Variants in SHC4 observed in about 807,000 individuals in gnomAD.
The protein encoded by SHC4 is SHC-transforming protein 4.
A neutral mutation model predicts 69.4 loss-of-function variants in SHC4; 41 were observed. The ratio of observed to expected loss-of-function variants is 0.59; its 90% CI spans 0.46 to 0.77. The LOEUF is 0.77. Among genes scored for constraint, SHC4 ranks in the 30% least tolerant of loss-of-function variants. SHC4 has a pLI of 0.00. For missense variants in SHC4, 777 were observed against 783.8 expected, an observed-to-expected ratio of 0.99 and a Z score of 0.10; for synonymous variants, 318 against 299.3, an observed-to-expected ratio of 1.06 and a Z score of -0.64.
At chr15:48,835,077 T>C in intron 10 of SHC4, 55 bp from the exon 11 acceptor site, 2 of 1,537,370 alleles carry the variant, frequency 1.3e-6, no homozygotes, top group East Asian at 4.7e-5. Context: ...ATCCATCCAT[T>C]CATTCATTTA....
chr15:48,902,857 T>G (rs918194661), intron 2 of SHC4, among the ~76,000 whole-genome samples: 1 of 152,178 alleles, frequency 6.6e-6, no homozygotes, highest in African/African-American at 2.4e-5. Flanking sequence ...GCCCTCCTAG[T>G]AAACCTTTTG....
At chr15:48,949,831 AAATT>A (rs887967783) in intron 1 of SHC4, among the ~76,000 whole-genome samples, 6 of 146,374 alleles carry the variant, frequency 4.1e-5, no homozygotes, top group South Asian at 2.1e-4. Flanking sequence ...ATATATATAT[AAATT>A]ATGTAATATT....
At chr15:48,893,418 C>T (rs1900168557) in intron 2 of SHC4, among the ~76,000 whole-genome samples, 1 of 152,200 alleles carries the variant, frequency 6.6e-6, no homozygotes, top group African/African-American at 2.4e-5. Flanking sequence ...AAGTACTCAA[C>T]TCTGCCATTG....
chr15:48,866,094 C>T (rs891242125), intron 6 of SHC4, among the ~76,000 whole-genome samples: 2 of 152,112 alleles, frequency 1.3e-5, no homozygotes, highest in Admixed American at 6.5e-5. Context: ...TTTTTTCTTC[C>T]TTTCACCCTG....
At chr15:48,944,766 C>A (rs1418623665) in intron 1 of SHC4, among the ~76,000 whole-genome samples, 2 of 152,066 alleles carry the variant, frequency 1.3e-5, no homozygotes, top group African/African-American at 4.8e-5. Context: ...CCCTTCCTAC[C>A]AAAAAAGATC....
chr15:48,926,773 AT>A (rs1255989300), intron 1 of SHC4, among the ~76,000 whole-genome samples: 1 of 152,026 alleles, frequency 6.6e-6, no homozygotes, highest in Admixed American at 6.6e-5. Context: ...GTATAATAGT[AT>A]TTCTGAGCAG....
At chr15:48,952,033 T>A (rs1370328834) in intron 1 of SHC4, among the ~76,000 whole-genome samples, 1 of 152,110 alleles carries the variant, frequency 6.6e-6, no homozygotes, top group African/African-American at 2.4e-5. Context: ...AGAGCTTAAC[T>A]CACCATGAAA....
At chr15:48,940,727 T>C (rs551796564) in intron 1 of SHC4, among the ~76,000 whole-genome samples, 2 of 152,318 alleles carry the variant, frequency 1.3e-5, no homozygotes, top group East Asian at 3.9e-4. Flanking sequence ...AAGAACCTCA[T>C]TGACGTCATT....
intron 1 of SHC4, among the ~76,000 whole-genome samples, chr15:48,952,685 T>C (rs1433373041): frequency 2.0e-5 from 3 of 152,126 alleles, no homozygotes; most frequent in African/African-American, 4.8e-5. Context: ...AGGCTCAACA[T>C]CACTGATCAT....
rs188471095 is a variant in SHC4, at chr15:48,823,887, G to A, written c.*2084C>T. The A allele has an allele frequency of 3.9e-4, 59 of 152,286 alleles. No homozygotes were observed. Among genetic ancestry groups the A allele is most frequent in the African/African-American group, 1.2e-3 (51 of 41,552 alleles). 9.4% of individuals were successfully genotyped at this position (152,286 alleles called of 1,614,324 possible). On this transcript the variant is annotated 3_prime_UTR_variant, in exon 12 of 12. Coordinates refer to ENST00000332408, the MANE Select transcript of SHC4 (RefSeq NM_203349.4). ...TATTGTTTCCTTTTGCTTTAACTGT[G>A]TCTGTGGTATTTTTAAGTGCTGTAT...
chr15:48,855,756 T>C (rs1313646560), intron 8 of SHC4, among the ~76,000 whole-genome samples, 197 bp downstream of exon 8: 2 of 151,990 alleles, frequency 1.3e-5, no homozygotes, highest in Non-Finnish European at 2.9e-5. Flanking sequence ...TATGAGATCA[T>C]CTGCTGAGGC....
intron 2 of SHC4, among the ~76,000 whole-genome samples, chr15:48,904,726 A>G (rs116497153): frequency 6.7e-6 from 1 of 149,422 alleles, no homozygotes; most frequent in Non-Finnish European, 1.5e-5. Flanking sequence ...CACACACACA[A>G]AAAAATGTAA....
chr15:48,854,187 C>T (rs960398123), intron 8 of SHC4, among the ~76,000 whole-genome samples: 2 of 152,214 alleles, frequency 1.3e-5, no homozygotes, highest in Non-Finnish European at 2.9e-5. Flanking sequence ...CAAAAGAACA[C>T]ATACAAGCAG....
chr15:48,920,460 A>G (rs1900731319), intron 2 of SHC4, among the ~76,000 whole-genome samples: 1 of 151,922 alleles, frequency 6.6e-6, no homozygotes, highest in African/African-American at 2.4e-5. Flanking sequence ...GTAACTTCCT[A>G]TATCTTACTT....
intron 4 of SHC4, among the ~76,000 whole-genome samples, chr15:48,874,991 G>T (rs998889756): frequency 2.8e-4 from 42 of 152,298 alleles, no homozygotes; most frequent in African/African-American, 9.4e-4. Context: ...TAGCCAAAAT[G>T]AGTAAAAAAC....
chr15:48,923,635 CTT>C (rs59906872), intron 2 of SHC4, among the ~76,000 whole-genome samples: 33 of 92,490 alleles, frequency 3.6e-4, no homozygotes, highest in South Asian at 1.2e-3. Context: ...ACTACTCAGT[CTT>C]TTTTTTTTTT....
chr15:48,848,964 C>T (rs1218026327), intron 9 of SHC4, among the ~76,000 whole-genome samples: 3 of 152,196 alleles, frequency 2.0e-5, no homozygotes, highest in Admixed American at 1.3e-4. Flanking sequence ...TCTAGACTTT[C>T]ACTCAGTGAG....
intron 8 of SHC4, among the ~76,000 whole-genome samples, chr15:48,855,142 A>G (rs1473245993): frequency 6.6e-6 from 1 of 152,070 alleles, no homozygotes; most frequent in Non-Finnish European, 1.5e-5. Context: ...TAAACAATTT[A>G]CCCTTGTTAA....
chr15:48,844,290 TA>T (rs1207402166), intron 9 of SHC4, among the ~76,000 whole-genome samples: 4 of 152,156 alleles, frequency 2.6e-5, no homozygotes, highest in African/African-American at 7.2e-5. Flanking sequence ...AATAATCTTT[TA>T]AAAACTGCAA....
Sources: allele counts gnomAD v4.1 joint callset (sites outside exome capture counted in the v4.1 genomes callset), GRCh38; gene constraint gnomAD v4.1.1; transcripts MANE v1.5; gene names NCBI Gene and HGNC (gene_info 2026-07-23, HGNC 2026-07-21).